Variants in MYT1L observed in about 807,000 individuals in gnomAD.
MYT1L encodes the protein myelin transcription factor 1-like protein.
MYT1L carries 12 observed loss-of-function variants against 126.7 expected under a neutral mutation model. The observed-to-expected ratio is 0.09, with a 90% confidence interval of 0.06 to 0.15. The LOEUF (loss-of-function observed/expected upper bound fraction) is 0.15, where lower values mean the gene tolerates loss of function less well. Among genes scored for constraint, MYT1L ranks in the 10% least tolerant of loss-of-function variants. The probability of loss-of-function intolerance (pLI) is 1.00; values close to 1 mark genes in which losing one functional copy is unlikely to be tolerated. For missense variants in MYT1L, 979 were observed against 1,585.2 expected, an observed-to-expected ratio of 0.62 and a Z score of 6.49; for synonymous variants, 541 against 604.2, an observed-to-expected ratio of 0.90 and a Z score of 1.53.
At chr2:1,914,180 C>T (rs532873202) in intron 11 of MYT1L, among the ~76,000 whole-genome samples, 33 of 151,204 alleles carry the variant, frequency 2.2e-4, no homozygotes, top group Non-Finnish European at 3.8e-4. Flanking sequence ...CTTGATCCCA[C>T]GGGGCGGAGG....
chr2:1,871,740 T>C (rs990537629), intron 18 of MYT1L, among the ~76,000 whole-genome samples: 12 of 152,110 alleles, frequency 7.9e-5, no homozygotes, highest in Non-Finnish European at 1.8e-4. Context: ...TAAACAAGTA[T>C]GTGTTGAAAA....
At chr2:1,934,427 T>G (rs1198433612) in intron 9 of MYT1L, among the ~76,000 whole-genome samples, 1 of 151,976 alleles carries the variant, frequency 6.6e-6, no homozygotes, top group Non-Finnish European at 1.5e-5. Flanking sequence ...TGTGCTACAG[T>G]GATTTCAATG....
intron 4 of MYT1L, among the ~76,000 whole-genome samples, chr2:2,043,985 GAA>G (rs1239362963): frequency 6.6e-6 from 1 of 151,138 alleles, no homozygotes; most frequent in Non-Finnish European, 1.5e-5. Context: ...TTTGTTTTTT[GAA>G]AAAAAATGAG....
intron 9 of MYT1L, among the ~76,000 whole-genome samples, chr2:1,927,675 G>T (rs2054414676): frequency 6.6e-6 from 1 of 152,162 alleles, no homozygotes; most frequent in African/African-American, 2.4e-5. Context: ...CACAGGAGGG[G>T]ACTGTACTCC....
At chr2:2,303,871 T>G (rs1485389780) in intron 1 of MYT1L, 1 of 152,250 alleles carries the variant, frequency 6.6e-6, no homozygotes, top group Non-Finnish European at 1.5e-5. Context: ...CTTCCCCGAC[T>G]TCTGCTGCAC....
In MYT1L at chr2:2,150,177, T is replaced by C. The variant is rs529975115; in HGVS notation, c.-304+22695A>G. Among the ~76,000 whole-genome samples, 11 of 152,274 alleles carry C rather than the reference T, an allele frequency of 7.2e-5. No homozygotes were observed. In the South Asian group the frequency reaches 2.3e-3, roughly 32 times the overall value. On this transcript the variant is annotated intron_variant, in intron 3 of 24. Transcript: ENST00000647738. ...CCGTGGTGCCTGGCACTGATCTGTC[T>C]TGGGGAAGACGGCCTTTGAAGCCAA...
intron 4 of MYT1L, among the ~76,000 whole-genome samples, chr2:2,023,066 C>T (rs886871303): frequency 1.3e-5 from 2 of 152,154 alleles, no homozygotes; most frequent in Non-Finnish European, 2.9e-5. Context: ...AGGTGTGCTG[C>T]CCACATCTTT....
Position 1,996,590 on chromosome 2 carries a change from T to C in MYT1L, c.-1+601A>G, listed in dbSNP as rs561571159. Among the ~76,000 whole-genome samples the C allele has an allele frequency of 2.1e-3, 244 of 116,780 alleles. 1 individual carries two copies. The highest frequency in any genetic ancestry group is 3.5e-3 in the South Asian group (12 of 3,424). 76.6% of individuals were successfully genotyped at this position (116,780 alleles called of 152,430 possible). ...AGACGGGCTGCCTTTACCTAGTGAG[T>C]GAGGGCCGCCCTGCCTCAGTGTGGG... On this transcript the variant is annotated intron_variant, in intron 5 of 24. Coordinates refer to ENST00000647738, the MANE Select transcript of MYT1L (RefSeq NM_001303052.2).
chr2:1,841,913 C>T (rs1052151210), intron 19 of MYT1L: 1 of 152,192 alleles, frequency 6.6e-6, no homozygotes, highest in Non-Finnish European at 1.5e-5. Context: ...TTTTCAACCT[C>T]TTGGGTACAG....
rs191317359 is a variant in MYT1L, at chr2:1,979,757, C to T, written c.21G>A (p.Glu7=). ...CTTTGGACCGCGTGCGATGCCGCTT[C>T]TCCTCGGTGTCCACCTCCATCTGGG... MEVDTE[E]KRHRTRSKGV... is the part of the protein sequence containing the mutation. The change falls in exon 6 of 25, where the codon GAG becomes GAA. Residue 7 remains glutamate, a synonymous_variant. Coordinates refer to ENST00000647738, the MANE Select transcript of MYT1L (RefSeq NM_001303052.2). This position sits in a 1 kb window ranked among gnomAD's most constrained non-coding sequence, Gnocchi z 4.0. 6.2e-7 allele frequency: 1 copy of T among 1,614,030 alleles called. No homozygotes were observed. Among genetic ancestry groups the T allele is most frequent in the Non-Finnish European group, 8.5e-7 (1 of 1,179,910 alleles).
chr2:2,245,806 C>A (rs2094523884), intron 2 of MYT1L, among the ~76,000 whole-genome samples: 2 of 152,136 alleles, frequency 1.3e-5, no homozygotes. Flanking sequence ...ATCCATTCTT[C>A]CAATCTTTTC....
At chr2:2,109,911 A>ATATATATATATATATATATATATATC (rs1559038954) in intron 3 of MYT1L, among the ~76,000 whole-genome samples, 1 of 120,332 alleles carries the variant, frequency 8.3e-6, no homozygotes, top group African/African-American at 3.0e-5. Flanking sequence ...ATATATATAT[A>ATATATATATATATATATATATATATC]TATATATATA....
chr2:2,261,747 T>C (rs2094974295), intron 2 of MYT1L, among the ~76,000 whole-genome samples: 1 of 152,224 alleles, frequency 6.6e-6, no homozygotes, highest in Non-Finnish European at 1.5e-5. Context: ...GGCCTAATGA[T>C]GATGTGCTTC....
chr2:2,077,029 T>C (rs1017837082), intron 3 of MYT1L, among the ~76,000 whole-genome samples: 1 of 152,032 alleles, frequency 6.6e-6, no homozygotes, highest in African/African-American at 2.4e-5. Flanking sequence ...AAATAAATAT[T>C]CTGGAGTTGA....
At chr2:2,235,777 T>C (rs1403944140) in intron 2 of MYT1L, among the ~76,000 whole-genome samples, 1 of 152,196 alleles carries the variant, frequency 6.6e-6, no homozygotes, top group Non-Finnish European at 1.5e-5. Context: ...TGTGAATTCA[T>C]AGTGTTTTAC....
intron 2 of MYT1L, among the ~76,000 whole-genome samples, chr2:2,270,127 A>G (rs7601823): frequency 0.59 from 89,693 of 152,096 alleles, 27,132 homozygotes; most frequent in East Asian, 0.9. Context: ...CCAGCTCTGC[A>G]TCTTCACCTT....
intron 3 of MYT1L, among the ~76,000 whole-genome samples, chr2:2,060,179 C>T (rs2070205861): frequency 6.6e-6 from 1 of 152,198 alleles, no homozygotes; most frequent in Non-Finnish European, 1.5e-5. Flanking sequence ...GGTGACACTC[C>T]CTGCTCTTCA....
intron 4 of MYT1L, among the ~76,000 whole-genome samples, chr2:2,024,783 A>G (rs568815353): frequency 5.3e-5 from 8 of 152,330 alleles, no homozygotes; most frequent in East Asian, 3.9e-4. Context: ...CCTGTTGTCA[A>G]TATCATCAAG....
At chr2:2,160,817 CAT>C (rs2087748599) in intron 3 of MYT1L, among the ~76,000 whole-genome samples, 3 of 152,072 alleles carry the variant, frequency 2.0e-5, no homozygotes, top group Admixed American at 6.5e-5. Flanking sequence ...AGTCACAAGA[CAT>C]AAAGCAGGGA....
Sources: allele counts gnomAD v4.1 joint callset (sites outside exome capture counted in the v4.1 genomes callset), GRCh38; gene constraint gnomAD v4.1.1; non-coding constraint Gnocchi (gnomAD v3.1); transcripts MANE v1.5; gene names NCBI Gene and HGNC (gene_info 2026-07-23, HGNC 2026-07-21).